The following ZNF407 variants were observed in gnomAD, a reference collection of about 807,000 sequenced individuals.
The protein encoded by ZNF407 is zinc finger protein 407.
A neutral mutation model predicts 131.2 loss-of-function variants in ZNF407; 17 were observed. The ratio of observed to expected loss-of-function variants is 0.13; its 90% CI spans 0.09 to 0.19. The LOEUF (loss-of-function observed/expected upper bound fraction) is 0.19, where lower values mean the gene tolerates loss of function less well. ZNF407 is among the 10% of genes least tolerant of loss of function. The pLI, the probability that ZNF407 is intolerant of heterozygous loss-of-function variation, is 1.00. For synonymous variants in ZNF407, 1,156 were observed against 1,062.0 expected, an observed-to-expected ratio of 1.09 and a Z score of -1.72; for missense variants, 2,681 against 2,830.6, an observed-to-expected ratio of 0.95 and a Z score of 1.20.
chr18:74,718,699 G>C (rs550155227), intron 3 of ZNF407, among the ~76,000 whole-genome samples: 1 of 152,272 alleles, frequency 6.6e-6, no homozygotes, highest in South Asian at 2.1e-4. Context: ...AAATGGAATT[G>C]TTGACTAGTA....
Position 74,633,702 on chromosome 18 carries a change from G to A in ZNF407, c.2683G>A (p.Glu895Lys). ...KYYTVTKGDM[E>K]RHCATKKHKG... The stretch of plus-strand genomic sequence containing the variant: ...TTACACTGTAACTAAGGGAGATATG[G>A]AACGTCATTGTGCCACCAAGAAACA... Residue 895 changes from glutamate (E) to lysine (K), a missense_variant, in exon 2 of 9, where the codon GAA (glutamate) becomes AAA (lysine). Around this residue, in one of 6 missense-constraint regions of ZNF407, gnomAD observed 1,789 missense variants for 1,748.7 expected, o/e 1.02. Coordinates refer to ENST00000299687, the MANE Select transcript of ZNF407 (RefSeq NM_017757.3). The A allele has an allele frequency of 6.2e-7, 1 of 1,613,996 alleles. No homozygotes were observed. Among genetic ancestry groups the A allele is most frequent in the Non-Finnish European group, 8.5e-7 (1 of 1,179,888 alleles).
chr18:75,013,859 C>A (rs1343892377), intron 8 of ZNF407, among the ~76,000 whole-genome samples: 1 of 152,076 alleles, frequency 6.6e-6, no homozygotes, highest in Admixed American at 6.6e-5. Context: ...TCTAGAATTA[C>A]AAATAAATGA....
At chr18:74,610,708 C>T (rs1446052113) in intron 1 of ZNF407, among the ~76,000 whole-genome samples, 7 of 152,052 alleles carry the variant, frequency 4.6e-5, no homozygotes, top group Non-Finnish European at 1.5e-5. Flanking sequence ...ACTACCACAC[C>T]GGGCTAATTT....
intron 7 of ZNF407, among the ~76,000 whole-genome samples, chr18:74,907,852 C>T (rs1971617260): frequency 6.6e-6 from 1 of 152,182 alleles, no homozygotes; most frequent in Non-Finnish European, 1.5e-5. Flanking sequence ...CTTTTGCTAA[C>T]TTACACCATT....
rs35067719 is a variant in ZNF407, at chr18:74,627,778, TTC to T, written c.-53-3173_-53-3172del. On this transcript the variant is annotated intron_variant, in intron 1 of 8. Coordinates refer to ENST00000299687, the MANE Select transcript of ZNF407 (RefSeq NM_017757.3). ...TGTTTGTTTGTTCAGTTTTCTCTCT[TTC>T]TCTCTCTCTCTCTCTTTCTCTCTTT... Among the ~76,000 whole-genome samples the T allele has an allele frequency of 5.8e-3, 763 of 132,592 alleles. 10 individuals are homozygous for T. Among genetic ancestry groups the T allele is most frequent in the Non-Finnish European group, 5.8e-3 (373 of 63,928 alleles). The allele number at this position is 132,592 out of a possible 152,430, so 87.0% of individuals were successfully genotyped here.
chr18:74,904,004 A>G (rs1245200322), intron 7 of ZNF407, among the ~76,000 whole-genome samples: 3 of 152,218 alleles, frequency 2.0e-5, no homozygotes, highest in African/African-American at 4.8e-5. Context: ...TTTAGTCAGG[A>G]CACACCTCTA....
At chr18:74,940,838 C>T (rs890916064) in intron 8 of ZNF407, among the ~76,000 whole-genome samples, 6 of 152,170 alleles carry the variant, frequency 3.9e-5, no homozygotes, top group African/African-American at 7.2e-5. Context: ...CCCCAGGTCA[C>T]GCTACGGAAC....
At chr18:74,848,109 A>C (rs1172931551) in intron 4 of ZNF407, among the ~76,000 whole-genome samples, 1 of 152,172 alleles carries the variant, frequency 6.6e-6, no homozygotes, top group Non-Finnish European at 1.5e-5. Flanking sequence ...ACCTGAACTC[A>C]TATAGGATTT....
In ZNF407 at chr18:74,994,009, C is replaced by T. The variant is rs542374508; in HGVS notation, c.5429-69141C>T. ...ATGCTGTGGTCCGGTTTGGACCCTG[C>T]GCCAGAATTTCTTCTTCTTTTATCT... is the stretch of plus-strand genomic sequence containing the variant. On this transcript the variant is annotated intron_variant, in intron 8 of 8. Transcript: ENST00000299687. Among the ~76,000 whole-genome samples, 33 of 152,294 alleles carry T rather than the reference C, an allele frequency of 2.2e-4. No individual in the cohort carries two copies. In the Middle Eastern group the frequency reaches 0.017, roughly 79 times the overall value.
chr18:74,722,291 T>C (rs1378981216), intron 3 of ZNF407, among the ~76,000 whole-genome samples: 1 of 152,230 alleles, frequency 6.6e-6, no homozygotes, highest in African/African-American at 2.4e-5. Context: ...GGCTCATTCT[T>C]AAAATTTTCT....
Position 75,063,103 on chromosome 18 carries a change from CCTA to C in ZNF407, c.5429-45_5429-43del. On this transcript the variant is annotated intron_variant, in intron 8 of 8. Transcript: ENST00000299687. This position sits in a 1 kb window ranked among gnomAD's most constrained non-coding sequence, Gnocchi z 6.6. Reference sequence around the variant, plus strand: ...GCAGAAGAAGTGTCTTACTTGTAAGCCTACGAGTACTTTTTCCAGGCTCTAACT... The same window carrying C: ...GCAGAAGAAGTGTCTTACTTGTAAGCCGAGTACTTTTTCCAGGCTCTAACT... The C allele has an allele frequency of 1.3e-6, 2 of 1,499,436 alleles. No individual in the cohort carries two copies. The highest frequency in any genetic ancestry group is 1.8e-6 in the Non-Finnish European group (2 of 1,114,160). 92.9% of individuals were successfully genotyped at this position (1,499,436 alleles called of 1,614,324 possible). A position where few individuals can be genotyped will look rare whatever the true frequency, so the allele number is the denominator to read the frequency against.
At chr18:74,860,413 A>G (rs1970921204) in intron 4 of ZNF407, among the ~76,000 whole-genome samples, 1 of 151,956 alleles carries the variant, frequency 6.6e-6, no homozygotes, top group South Asian at 2.1e-4. Flanking sequence ...GTTGAGAAGT[A>G]TGTAATTGTT....
At chr18:74,643,485 A>G (rs1262775218) in intron 3 of ZNF407, among the ~76,000 whole-genome samples, 1 of 151,962 alleles carries the variant, frequency 6.6e-6, no homozygotes. Context: ...TTTCTTAATG[A>G]GCTCTTCATT....
intron 3 of ZNF407, among the ~76,000 whole-genome samples, chr18:74,730,996 G>C (rs140606636): frequency 2.0e-5 from 3 of 152,080 alleles, no homozygotes; most frequent in Admixed American, 6.5e-5. Flanking sequence ...TTATTAAAAG[G>C]TATTCACTGA....
At chr18:74,940,525 G>A (rs953437052) in intron 8 of ZNF407, among the ~76,000 whole-genome samples, 7 of 152,102 alleles carry the variant, frequency 4.6e-5, no homozygotes, top group Non-Finnish European at 5.9e-5. Context: ...GGCTAATAGG[G>A]GCCAGACTTG....
intron 8 of ZNF407, among the ~76,000 whole-genome samples, chr18:75,049,098 T>TGGG (rs61131714): frequency 1.0e-4 from 4 of 39,618 alleles, no homozygotes; most frequent in Non-Finnish European, 1.4e-4. Flanking sequence ...TTTTTTTTTT[T>TGGG]GGGTGGGGGG....
chr18:74,846,419 A>G (rs1297627428), intron 4 of ZNF407, among the ~76,000 whole-genome samples: 2 of 150,250 alleles, frequency 1.3e-5, no homozygotes, highest in Admixed American at 1.3e-4. Context: ...GGCTCACTGC[A>G]CCCTCTGCCT....
chr18:74,885,311 A>G (rs1971293164), intron 6 of ZNF407, among the ~76,000 whole-genome samples: 1 of 152,202 alleles, frequency 6.6e-6, no homozygotes. Flanking sequence ...GATGTGCAAA[A>G]CCATTATGGT....
chr18:74,769,156 G>A (rs1348296378), intron 3 of ZNF407, among the ~76,000 whole-genome samples: 1 of 152,116 alleles, frequency 6.6e-6, no homozygotes, highest in African/African-American at 2.4e-5. Flanking sequence ...CCAGTCATAG[G>A]GAAGGCCCAG....
Sources: allele counts gnomAD v4.1 joint callset (sites outside exome capture counted in the v4.1 genomes callset), GRCh38; gene constraint gnomAD v4.1.1; regional missense constraint gnomAD v4.1.1; non-coding constraint Gnocchi (gnomAD v3.1); transcripts MANE v1.5; gene names NCBI Gene and HGNC (gene_info 2026-07-23, HGNC 2026-07-21).